Variants in CYFIP2 observed in about 807,000 individuals in gnomAD.
The protein encoded by CYFIP2 is cytoplasmic FMR1 interacting protein 2, also known as cytoplasmic FMR1-interacting protein 2.
In CYFIP2, 29 loss-of-function variants were observed where a neutral mutation model predicts 158.7. The ratio of observed to expected loss-of-function variants is 0.18; its 90% confidence interval spans 0.14 to 0.25. The LOEUF (loss-of-function observed/expected upper bound fraction) is 0.25, where lower values mean the gene tolerates loss of function less well. Ranked by LOEUF, CYFIP2 falls within the 10% of genes least tolerant of loss-of-function variation. CYFIP2 has a pLI of 1.00. For missense variants in CYFIP2, 852 were observed against 1,639.5 expected (o/e 0.52, Z 8.29); for synonymous variants, 585 against 617.6 (o/e 0.95, Z 0.78).
intron 22 of CYFIP2, among the ~76,000 whole-genome samples, chr5:157,339,675 C>T (rs911003049): frequency 6.6e-6 from 1 of 152,210 alleles, no homozygotes; most frequent in African/African-American, 2.4e-5. Context: ...AGGGCCATGA[C>T]AGTGGTAACA....
intron 3 of CYFIP2, 51 bp from the exon 4 acceptor site, chr5:157,294,732 C>A: frequency 6.5e-7 from 1 of 1,545,964 alleles, no homozygotes; most frequent in Non-Finnish European, 8.9e-7. Flanking sequence ...CTTTTGCAGC[C>A]TGGTGGCACC....
At chr5:157,367,824 G>A (rs938346355) in intron 26 of CYFIP2, among the ~76,000 whole-genome samples, 9 of 144,416 alleles carry the variant, frequency 6.2e-5, no homozygotes, top group Non-Finnish European at 4.5e-5. Flanking sequence ...GCATGATCTC[G>A]GCTCACTGTA....
chr5:157,386,408 T>G (rs536650319), intron 28 of CYFIP2, among the ~76,000 whole-genome samples: 1 of 151,840 alleles, frequency 6.6e-6, no homozygotes, highest in Non-Finnish European at 1.5e-5. Flanking sequence ...TTTATAGAGA[T>G]GAGGTGTCAC....
intron 4 of CYFIP2, among the ~76,000 whole-genome samples, chr5:157,296,255 T>C (rs1402863418): frequency 6.6e-6 from 1 of 152,194 alleles, no homozygotes; most frequent in African/African-American, 2.4e-5. Context: ...ATATCAGTTA[T>C]CATCCAAAAT....
At chr5:157,281,855 G>C (rs1469943652) in intron 1 of CYFIP2, among the ~76,000 whole-genome samples, 1 of 152,042 alleles carries the variant, frequency 6.6e-6, no homozygotes, top group African/African-American at 2.4e-5. Flanking sequence ...ATTTTTAAAA[G>C]CATATGGCTT....
rs1484358671 is a variant in CYFIP2, at chr5:157,266,145, G to A, written c.-74G>A. ...GGCAGAGCATCCTGCGCCCCGGCGC[G>A]GGGCCCTGCGGTAGCCTCAGGCCCC... is the stretch of plus-strand genomic sequence containing the variant. On this transcript the variant is annotated 5_prime_UTR_variant, in exon 1 of 31. Coordinates refer to ENST00000620254, the MANE Select transcript of CYFIP2 (RefSeq NM_001037333.3). This position sits in a 1 kb window ranked among gnomAD's most constrained non-coding sequence, Gnocchi z 4.2. 1 of 150,634 alleles carries A rather than the reference G, an allele frequency of 6.6e-6. No homozygotes were observed. Among genetic ancestry groups the A allele is most frequent in the Admixed American group, 6.6e-5 (1 of 15,136 alleles). The allele number at this position is 150,634 out of a possible 1,614,324, so 9.3% of individuals were successfully genotyped here.
intron 23 of CYFIP2, chr5:157,342,570 T>G: frequency 6.4e-6 from 2 of 312,976 alleles, no homozygotes; most frequent in Non-Finnish European, 1.2e-5. Flanking sequence ...GCTTTCTACT[T>G]TATAACATAT....
intron 23 of CYFIP2, chr5:157,343,127 C>T: frequency 6.2e-7 from 1 of 1,614,218 alleles, no homozygotes; most frequent in Non-Finnish European, 8.5e-7. Flanking sequence ...GCAACGGACA[C>T]ACCAGAACTG....
chr5:157,284,891 G>A (rs753506809), intron 1 of CYFIP2, among the ~76,000 whole-genome samples: 1 of 152,194 alleles, frequency 6.6e-6, no homozygotes, highest in Non-Finnish European at 1.5e-5. Context: ...CACGATCCTG[G>A]ATAATTGTAT....
intron 1 of CYFIP2, among the ~76,000 whole-genome samples, chr5:157,284,927 C>G (rs759291461): frequency 1.1e-4 from 16 of 152,188 alleles, no homozygotes; most frequent in Non-Finnish European, 1.6e-4. Flanking sequence ...GAGTGGAACT[C>G]ATAAATATCC....
intron 11 of CYFIP2, among the ~76,000 whole-genome samples, chr5:157,312,039 C>A (rs1472408471): frequency 1.3e-5 from 2 of 152,182 alleles, no homozygotes; most frequent in African/African-American, 4.8e-5. Flanking sequence ...ATAACAGTAT[C>A]TATCCTGAAA....
chr5:157,306,815 G>C lies in CYFIP2; in HGVS notation c.796-946G>C, dbSNP rs147290820. On this transcript the variant is annotated intron_variant, in intron 8 of 30. Transcript: ENST00000620254. ...GAGAATCGCTTGAGCCCAGGAGGTT[G>C]AGGCTGCAGTGAGCTGTGATCATAC... Among the ~76,000 whole-genome samples the C allele has an allele frequency of 3.4e-3, 513 of 151,924 alleles. 3 individuals are homozygous for C. The highest frequency in any genetic ancestry group is 0.012 in the African/African-American group (495 of 41,392).
chr5:157,377,146 A>G (rs576136514), intron 26 of CYFIP2, among the ~76,000 whole-genome samples: 99 of 150,652 alleles, frequency 6.6e-4, no homozygotes, highest in African/African-American at 2.1e-3. Context: ...GCTCTCCCCA[A>G]TCCTTTCTCC....
intron 23 of CYFIP2, 148 bp from the exon 24 acceptor site, chr5:157,358,857 A>G: frequency 1.0e-6 from 1 of 1,002,568 alleles, no homozygotes; most frequent in Non-Finnish European, 1.5e-6. Context: ...CTCTATGACC[A>G]CCATTTTGCA....
intron 1 of CYFIP2, chr5:157,271,274 A>G (rs1054390708): frequency 1.3e-5 from 2 of 152,250 alleles, no homozygotes; most frequent in Admixed American, 6.5e-5. Context: ...ATGATCCTTA[A>G]CACATGTCTT....
intron 23 of CYFIP2, chr5:157,342,485 G>A (rs554188714): frequency 5.8e-6 from 1 of 171,368 alleles, no homozygotes; most frequent in South Asian, 1.8e-4. Flanking sequence ...TTGCCCAAAA[G>A]TGTACCTCTG....
chr5:157,294,735 G>T (rs1384149486), intron 3 of CYFIP2, 48 bp from the exon 4 acceptor site: 2 of 1,559,852 alleles, frequency 1.3e-6, no homozygotes, highest in Non-Finnish European at 1.8e-6. Flanking sequence ...TTGCAGCCTG[G>T]TGGCACCCGT....
At position 157,389,170 on chromosome 5, in the gene CYFIP2, T is replaced by C. The variant is rs1767004670; in HGVS notation, c.3208-19T>C. ...CTCTAAGATGTGGATAGAAGGTGTA[T>C]GTGCCCTTCTGTTTCCAGCAAATCG... On this transcript the variant is annotated intron_variant, in intron 28 of 30. Coordinates refer to ENST00000620254, the MANE Select transcript of CYFIP2 (RefSeq NM_001037333.3). The C allele has an allele frequency of 3.2e-6, 5 of 1,586,424 alleles. No homozygotes were observed. Among genetic ancestry groups the C allele is most frequent in the Non-Finnish European group, 3.4e-6 (4 of 1,161,454 alleles).
At chr5:157,327,041 T>TCTTACCTAGCTACTGCCTTTGCCC (rs1229151042) in intron 18 of CYFIP2, among the ~76,000 whole-genome samples, 7 of 152,232 alleles carry the variant, frequency 4.6e-5, no homozygotes, top group African/African-American at 1.7e-4. Context: ...TTCCTTTGAC[T>TCTTACCTAGCTACTGCCTTTGCCC]CTTACCTAGC....
Sources: allele counts gnomAD v4.1 joint callset (sites outside exome capture counted in the v4.1 genomes callset), GRCh38; gene constraint gnomAD v4.1.1; non-coding constraint Gnocchi (gnomAD v3.1); transcripts MANE v1.5; gene names NCBI Gene and HGNC (gene_info 2026-07-23, HGNC 2026-07-21).